The following APOLD1 variants were observed in gnomAD, a reference collection of about 807,000 sequenced individuals.
The protein encoded by APOLD1 is apolipoprotein L domain-containing protein 1.
Under a neutral mutation model 15.3 loss-of-function variants are expected in APOLD1, and 22 were observed. The ratio of observed to expected loss-of-function variants is 1.44; its 90% confidence interval spans 1.03 to 2.05. The LOEUF is 2.05. Among genes scored for constraint, APOLD1 ranks in the 30% most tolerant of loss-of-function variants. The probability of loss-of-function intolerance (pLI) is 0.00; values close to 1 mark genes in which losing one functional copy is unlikely to be tolerated. For missense variants in APOLD1, 394 were observed against 353.5 expected (o/e 1.11, Z -0.92); for synonymous variants, 190 against 167.4 (o/e 1.13, Z -1.04).
chr12:12,754,304 G>A (rs865822864), intron 1 of APOLD1, among the ~76,000 whole-genome samples: 1 of 151,940 alleles, frequency 6.6e-6, no homozygotes, highest in African/African-American at 2.4e-5. Flanking sequence ...CCAAAGTGGT[G>A]GGATTGTCCC....
intron 1 of APOLD1, among the ~76,000 whole-genome samples, chr12:12,773,518 C>T (rs1947004044): frequency 6.6e-6 from 1 of 152,126 alleles, no homozygotes; most frequent in African/African-American, 2.4e-5. Flanking sequence ...GCTATGATTG[C>T]ATCACTGTAC....
At chr12:12,746,950 A>G (rs181634395) in intron 1 of APOLD1, among the ~76,000 whole-genome samples, 12 of 152,298 alleles carry the variant, frequency 7.9e-5, no homozygotes, top group African/African-American at 2.9e-4. Flanking sequence ...AGCTACACCA[A>G]TGTTGCTGCA....
chr12:12,782,765 T>C (rs996172777), upstream of APOLD1, among the ~76,000 whole-genome samples: 5 of 152,080 alleles, frequency 3.3e-5, no homozygotes, highest in African/African-American at 1.2e-4. Context: ...GGTGATGTGT[T>C]GGAAGTGCCC....
chr12:12,748,726 T>G (rs1280178182), intron 1 of APOLD1, among the ~76,000 whole-genome samples: 2 of 152,108 alleles, frequency 1.3e-5, no homozygotes, highest in Non-Finnish European at 2.9e-5. Context: ...AAAAAATGTT[T>G]ACTTGGTATT....
chr12:12,780,903 G>A (rs1284201758), upstream of APOLD1, among the ~76,000 whole-genome samples: 4 of 150,402 alleles, frequency 2.7e-5, no homozygotes, highest in Non-Finnish European at 4.4e-5. Flanking sequence ...TATTTTTGAT[G>A]TCTCCAAAAG....
chr12:12,758,615 T>A (rs1565431949), intron 1 of APOLD1, among the ~76,000 whole-genome samples: 4 of 152,180 alleles, frequency 2.6e-5, no homozygotes, highest in African/African-American at 9.6e-5. Flanking sequence ...TTCCTGCCTT[T>A]CCTATTGAAT....
At chr12:12,756,879 C>G (rs6488554) in intron 1 of APOLD1, among the ~76,000 whole-genome samples, 9,330 of 152,216 alleles carry the variant, frequency 0.061, 502 homozygotes, top group East Asian at 0.21. Flanking sequence ...CTCCACCTAC[C>G]GGGTTCAAGT....
chr12:12,782,218 C>T (rs1947086538), upstream of APOLD1, among the ~76,000 whole-genome samples: 1 of 151,994 alleles, frequency 6.6e-6, no homozygotes, highest in East Asian at 1.9e-4. Flanking sequence ...GAGATCGCAC[C>T]ACTGCACTCC....
intron 1 of APOLD1, among the ~76,000 whole-genome samples, chr12:12,734,936 T>C (rs781716063): frequency 1.8e-4 from 28 of 152,174 alleles, no homozygotes; most frequent in Middle Eastern, 3.4e-3. Flanking sequence ...AGGTGAGTGT[T>C]GTGAAGGATG....
upstream of APOLD1, among the ~76,000 whole-genome samples, chr12:12,781,352 G>A (rs1947078205): frequency 6.6e-6 from 1 of 152,118 alleles, no homozygotes; most frequent in Admixed American, 6.5e-5. Flanking sequence ...GCTGAGACAG[G>A]AGAATTGCTT....
At chr12:12,742,489 G>A (rs1195648176) in intron 1 of APOLD1, among the ~76,000 whole-genome samples, 9 of 151,558 alleles carry the variant, frequency 5.9e-5, no homozygotes, top group East Asian at 1.9e-4. Flanking sequence ...CTGGTCGGCC[G>A]GGCACGGTGG....
intron 1 of APOLD1, among the ~76,000 whole-genome samples, chr12:12,730,015 C>T (rs1387888887): frequency 6.7e-6 from 1 of 149,504 alleles, no homozygotes; most frequent in African/African-American, 2.5e-5. Flanking sequence ...CACCACCATG[C>T]CCAGCTAACT....
intron 1 of APOLD1, chr12:12,786,581 A>C: frequency 1.1e-6 from 1 of 892,576 alleles, no homozygotes; most frequent in Non-Finnish European, 1.3e-6. Flanking sequence ...GCCTTCTAAT[A>C]CCACGCCCCT....
At chr12:12,785,820 A>C (rs1329554608) in intron 1 of APOLD1, 126 bp downstream of exon 1, 3 of 911,400 alleles carry the variant, frequency 3.3e-6, no homozygotes, top group Non-Finnish European at 5.4e-6. Context: ...CCTGTGAATA[A>C]GGAGATGAGG....
intron 1 of APOLD1, among the ~76,000 whole-genome samples, chr12:12,765,293 T>C (rs1565433658): frequency 6.6e-6 from 1 of 152,052 alleles, no homozygotes; most frequent in Non-Finnish European, 1.5e-5. Flanking sequence ...GGTCAAGTGA[T>C]CCTCCCACCC....
At chr12:12,786,821 C>G (rs905080964) in intron 1 of APOLD1, 88 bp from the exon 2 acceptor site, 73 of 1,319,328 alleles carry the variant, frequency 5.5e-5, no homozygotes, top group Non-Finnish European at 6.9e-5. Context: ...TGAACTCGTG[C>G]CAAGTTCCCG....
Position 12,787,639 on chromosome 12 carries a change from G to A in APOLD1, c.734G>A (p.Gly245Glu), listed in dbSNP as rs773644958. ...AAGATCTCTGCTGACCAGCGTGCAG[G>A]GCTGTTTTTCTGAGAACATCCTTTC... ...DLKISADQRA[G>E]LFF The change falls in exon 2 of 2, where the codon GGG becomes GAG. Residue 245 changes from glycine to glutamate, a missense_variant. Transcript: ENST00000356591. The surrounding 1 kb of genome is among the most constrained non-coding windows in gnomAD (Gnocchi z 4.9). The A allele has an allele frequency of 6.3e-6, 10 of 1,593,278 alleles. No homozygotes were observed. The highest frequency in any genetic ancestry group is 7.7e-6 in the Non-Finnish European group (9 of 1,172,140).
chr12:12,757,352 C>G (rs1946864375), intron 1 of APOLD1, among the ~76,000 whole-genome samples: 1 of 152,182 alleles, frequency 6.6e-6, no homozygotes, highest in Non-Finnish European at 1.5e-5. Flanking sequence ...GACCACCCAT[C>G]TCATTCCACA....
Position 12,787,705 on chromosome 12 carries a change from C to A in APOLD1, c.*53C>A. On this transcript the variant is annotated 3_prime_UTR_variant, in exon 2 of 2. Coordinates refer to ENST00000356591, the MANE Select transcript of APOLD1 (RefSeq NM_030817.3). The surrounding 1 kb of genome is among the most constrained non-coding windows in gnomAD (Gnocchi z 4.9). ...GCCAGCAAATCATCCTCATGGGATG[C>A]TCCAGAATTTGTAGCTCCCTTAGGA... 1 of 1,521,316 alleles carries A rather than the reference C, an allele frequency of 6.6e-7. No homozygotes were observed. The highest frequency in any genetic ancestry group is 2.3e-5 in the East Asian group (1 of 44,186). The allele number at this position is 1,521,316 out of a possible 1,614,324, so 94.2% of individuals were successfully genotyped here. A position where few individuals can be genotyped will look rare whatever the true frequency, so the allele number is the denominator to read the frequency against.
Sources: gnomAD v4.1 joint callset for allele counts (sites outside exome capture counted in the v4.1 genomes callset) on GRCh38, gnomAD v4.1.1 for gene constraint, Gnocchi (gnomAD v3.1) non-coding constraint, MANE v1.5 for transcripts, NCBI Gene and HGNC (gene_info 2026-07-23, HGNC 2026-07-21) for gene names.